APPL2: variants seen among roughly 807,000 people sequenced by gnomAD.
The protein encoded by APPL2 is adaptor protein, phosphotyrosine interacting with PH domain and leucine zipper 2.
In APPL2, 84 loss-of-function variants were observed where a neutral mutation model predicts 92.7. The observed-to-expected ratio is 0.91, with a 90% CI of 0.76 to 1.09. APPL2 has a LOEUF of 1.09. APPL2 is among the 50% of genes least tolerant of loss of function. APPL2 has a pLI of 0.00. For synonymous variants in APPL2, 291 were observed against 291.0 expected, an observed-to-expected ratio of 1.00 and a Z score of 0.00; for missense variants, 736 against 824.5, an observed-to-expected ratio of 0.89 and a Z score of 1.31.
chr12:105,212,102 G>C (rs1348743196), intron 4 of APPL2, among the ~76,000 whole-genome samples: 1 of 130,280 alleles, frequency 7.7e-6, no homozygotes, highest in Non-Finnish European at 1.6e-5. Flanking sequence ...CTGGGTGACA[G>C]AGCGAGACTC....
intron 10 of APPL2, 105 bp from the exon 11 acceptor site, chr12:105,198,058 G>C: frequency 8.5e-7 from 1 of 1,170,038 alleles, no homozygotes; most frequent in South Asian, 1.6e-5. Context: ...TAGAAATAAT[G>C]TGTTTCTTTA....
At chr12:105,179,575 A>G (rs772116714) in intron 17 of APPL2, among the ~76,000 whole-genome samples, 1 of 152,202 alleles carries the variant, frequency 6.6e-6, no homozygotes, top group Non-Finnish European at 1.5e-5. Context: ...CTTCCACAAT[A>G]GTTGAACTAA....
At chr12:105,194,037 T>A (rs2135954148) in intron 14 of APPL2, among the ~76,000 whole-genome samples, 1 of 152,320 alleles carries the variant, frequency 6.6e-6, no homozygotes, top group Middle Eastern at 3.4e-3. Flanking sequence ...GAACGCTGGC[T>A]CCACACTGCA....
rs76844658 is a variant in APPL2 at position 105,178,226 on chromosome 12, G to A, written c.1635-964C>T. Among the ~76,000 whole-genome samples the A allele has an allele frequency of 3.0e-3, 461 of 152,144 alleles. 22 individuals carry two copies. The East Asian group carries it at 0.076, about 25-fold the overall frequency. ...TATAAATTTCTACTGTATTGTACTC[G>A]TGTTGGAATAATTAACATGCTATTA... On this transcript the variant is annotated intron_variant, in intron 17 of 20. Coordinates refer to ENST00000258530, the MANE Select transcript of APPL2 (RefSeq NM_018171.5).
intron 8 of APPL2, among the ~76,000 whole-genome samples, chr12:105,204,771 T>C (rs1888555476): frequency 6.6e-6 from 1 of 152,218 alleles, no homozygotes; most frequent in African/African-American, 2.4e-5. Flanking sequence ...TTAGCTCCTC[T>C]GCTATTCTGT....
intron 2 of APPL2, among the ~76,000 whole-genome samples, chr12:105,226,717 A>G (rs1890538418): frequency 6.6e-6 from 1 of 152,256 alleles, no homozygotes; most frequent in Admixed American, 6.5e-5. Context: ...CAGTAAGAAC[A>G]TTCCTGTTTT....
intron 1 of APPL2, among the ~76,000 whole-genome samples, chr12:105,231,322 A>G (rs1210266606): frequency 1.3e-5 from 2 of 152,200 alleles, no homozygotes; most frequent in Admixed American, 6.5e-5. Context: ...GTTTGCATGA[A>G]TGTCCTCCAC....
In APPL2 at chr12:105,190,086, T is replaced by C; in HGVS notation, c.1311A>G (p.Leu437=). 1 of 1,614,234 alleles carries C rather than the reference T, an allele frequency of 6.2e-7. No homozygotes were observed. Among genetic ancestry groups the C allele is most frequent in the Non-Finnish European group, 8.5e-7 (1 of 1,180,032 alleles). ...GCGCGATCAGCTCCTCTGCTTCAGG[T>C]AGACTGGCTGTTGCTTTGGGAACAA... ...DKIVPKATAS[L]PEAEELIAPG... Residue 437 remains leucine, a synonymous_variant, in exon 15 of 21, where the codon CTA becomes CTG. Coordinates refer to ENST00000258530, the MANE Select transcript of APPL2 (RefSeq NM_018171.5).
chr12:105,184,711 C>T (rs1886430183), intron 17 of APPL2, among the ~76,000 whole-genome samples: 2 of 152,214 alleles, frequency 1.3e-5, no homozygotes, highest in African/African-American at 2.4e-5. Flanking sequence ...GGAGGTGTCT[C>T]CCCGTCAGGA....
chr12:105,222,016 T>TTGGC (rs1286312312), intron 2 of APPL2, among the ~76,000 whole-genome samples: 1 of 152,094 alleles, frequency 6.6e-6, no homozygotes, highest in Non-Finnish European at 1.5e-5. Flanking sequence ...TACCAACTAT[T>TTGGC]TGGCTGGAGA....
chr12:105,219,722 AT>A (rs1214496114), intron 2 of APPL2, among the ~76,000 whole-genome samples: 1 of 152,260 alleles, frequency 6.6e-6, no homozygotes, highest in Non-Finnish European at 1.5e-5. Flanking sequence ...CCTGTCAACC[AT>A]CTTTAGCAGT....
chr12:105,175,405 A>G (rs773710795), intron 20 of APPL2, among the ~76,000 whole-genome samples: 9 of 152,324 alleles, frequency 5.9e-5, no homozygotes, highest in Non-Finnish European at 8.8e-5. Flanking sequence ...ACATGTTACT[A>G]TGTAAATTTG....
intron 17 of APPL2, among the ~76,000 whole-genome samples, chr12:105,186,699 C>CATATAT (rs145976697): frequency 0.12 from 16,556 of 133,918 alleles, 1,360 homozygotes; most frequent in African/African-American, 0.23. Flanking sequence ...TATCATATAT[C>CATATAT]ATATCATATA....
intron 4 of APPL2, among the ~76,000 whole-genome samples, chr12:105,213,676 G>A (rs1461246324): frequency 6.6e-6 from 1 of 152,196 alleles, no homozygotes; most frequent in Non-Finnish European, 1.5e-5. Flanking sequence ...TCTACTTTTT[G>A]TTGAACTTTC....
At chr12:105,225,305 G>T (rs1387501276) in intron 2 of APPL2, among the ~76,000 whole-genome samples, 2 of 152,066 alleles carry the variant, frequency 1.3e-5, no homozygotes, top group African/African-American at 4.8e-5. Flanking sequence ...TGTCCTGCCT[G>T]CCAGGAACAT....
chr12:105,190,653 G>A (rs1156432646), intron 14 of APPL2, among the ~76,000 whole-genome samples: 1 of 152,022 alleles, frequency 6.6e-6, no homozygotes, highest in Non-Finnish European at 1.5e-5. Context: ...TCCCAATTCT[G>A]CTGCTCACCC....
chr12:105,181,254 G>A (rs770478532), intron 17 of APPL2, among the ~76,000 whole-genome samples: 5 of 152,166 alleles, frequency 3.3e-5, no homozygotes, highest in African/African-American at 1.2e-4. Context: ...TTACGTGATG[G>A]ATTACATTTA....
chr12:105,178,678 G>A (rs1019718009), intron 17 of APPL2, among the ~76,000 whole-genome samples: 4 of 152,056 alleles, frequency 2.6e-5, no homozygotes, highest in South Asian at 4.2e-4. Flanking sequence ...CAAGTCACCC[G>A]GACTTCTTAC....
intron 9 of APPL2, among the ~76,000 whole-genome samples, chr12:105,203,104 G>T (rs1888366870): frequency 1.3e-5 from 2 of 151,682 alleles, no homozygotes; most frequent in African/African-American, 4.9e-5. Context: ...GCAAGCGCTT[G>T]GGAAGCCCAT....
Sources: gnomAD v4.1 joint callset for allele counts (sites outside exome capture counted in the v4.1 genomes callset) on GRCh38, gnomAD v4.1.1 for gene constraint, MANE v1.5 for transcripts, NCBI Gene and HGNC (gene_info 2026-07-23, HGNC 2026-07-21) for gene names.